MOSMO: variants seen among roughly 807,000 people sequenced by gnomAD.
MOSMO encodes modulator of smoothened protein.
Under a neutral mutation model 18.4 loss-of-function variants are expected in MOSMO, and 5 were observed. That is an observed-to-expected ratio of 0.27 (90% confidence interval 0.14 to 0.57). The LOEUF (loss-of-function observed/expected upper bound fraction) is 0.57, where lower values mean the gene tolerates loss of function less well. Among genes scored for constraint, MOSMO ranks in the 20% least tolerant of loss-of-function variants. MOSMO has a pLI of 0.92. For synonymous variants in MOSMO, 82 were observed against 82.3 expected, an observed-to-expected ratio of 1.00 and a Z score of 0.02; for missense variants, 138 against 211.8, an observed-to-expected ratio of 0.65 and a Z score of 2.16.
chr16:22,041,829 C>A (rs958186760), intron 1 of MOSMO, among the ~76,000 whole-genome samples: 4 of 151,972 alleles, frequency 2.6e-5, no homozygotes, highest in African/African-American at 2.4e-5. Flanking sequence ...CACATACCAC[C>A]ATGCCTGCCT....
intron 1 of MOSMO, among the ~76,000 whole-genome samples, chr16:22,052,116 A>G (rs1227913292): frequency 1.3e-5 from 2 of 152,180 alleles, no homozygotes; most frequent in Non-Finnish European, 2.9e-5. Context: ...TGTGAAATGA[A>G]TTTCGTAACG....
At chr16:22,028,906 T>C (rs947141009) in intron 1 of MOSMO, among the ~76,000 whole-genome samples, 43 of 152,294 alleles carry the variant, frequency 2.8e-4, no homozygotes, top group African/African-American at 9.6e-4. Context: ...AGTTTTGCTC[T>C]TGTTGCCCAG....
At chr16:22,074,232 T>C (rs148505322) in intron 1 of MOSMO, among the ~76,000 whole-genome samples, 3 of 152,294 alleles carry the variant, frequency 2.0e-5, no homozygotes, top group Non-Finnish European at 2.9e-5. Context: ...GCAAGTGCTA[T>C]GATTTCGAGG....
chr16:22,053,022 T>G (rs1021412683), intron 1 of MOSMO, among the ~76,000 whole-genome samples: 1 of 149,008 alleles, frequency 6.7e-6, no homozygotes, highest in African/African-American at 2.5e-5. Context: ...TGGCTTGATC[T>G]CTGCTCACTG....
chr16:22,034,931 G>A lies in MOSMO; in HGVS notation c.106+26524G>A, dbSNP rs1401154071. On this transcript the variant is annotated intron_variant, in intron 1 of 2. Coordinates refer to ENST00000542527, the MANE Select transcript of MOSMO (RefSeq NM_001164579.2). Reference sequence around the variant, plus strand: ...GTATTTTTTGTAGAGACGGGGTTTTGTCATGTTGCCCAGGCTGGTCTCAAA... The same window carrying A: ...GTATTTTTTGTAGAGACGGGGTTTTATCATGTTGCCCAGGCTGGTCTCAAA... 2.6e-5 allele frequency among the ~76,000 whole-genome samples: 4 copies of A among 151,408 alleles called. No homozygotes were observed. In the East Asian group the frequency reaches 7.7e-4, roughly 29 times the overall value.
At position 22,064,746 on chromosome 16, in the gene MOSMO, T is replaced by C. The variant is rs574755319; in HGVS notation, c.107-10741T>C. 4.6e-5 allele frequency among the ~76,000 whole-genome samples: 7 copies of C among 152,258 alleles called. No homozygotes were observed. The South Asian group carries it at 6.2e-4, about 14-fold the overall frequency. On this transcript the variant is annotated intron_variant, in intron 1 of 2. Coordinates refer to ENST00000542527, the MANE Select transcript of MOSMO (RefSeq NM_001164579.2). ...ATTTAAAGCAAACATTCTTTTTTTTTCCAAAGACAGAATTGTATGGATTTA... is the reference window on the plus strand; with the variant it reads ...ATTTAAAGCAAACATTCTTTTTTTTCCCAAAGACAGAATTGTATGGATTTA...
rs533940218 is a variant in MOSMO, at chr16:22,082,983, C to G, written c.*2103C>G. The G allele has an allele frequency of 6.6e-6, 1 of 152,264 alleles. No homozygotes were observed. The highest frequency in any genetic ancestry group is 1.9e-4 in the East Asian group (1 of 5,192). 9.4% of individuals were successfully genotyped at this position (152,264 alleles called of 1,614,324 possible). ...CTATGGACATTTGGGATTGCAGTTG[C>G]TATTCTGATTTGATTGGTCCTCAGT... On this transcript the variant is annotated 3_prime_UTR_variant, in exon 3 of 3. Coordinates refer to ENST00000542527, the MANE Select transcript of MOSMO (RefSeq NM_001164579.2).
chr16:22,074,275 A>G (rs1900918911), intron 1 of MOSMO, among the ~76,000 whole-genome samples: 1 of 152,126 alleles, frequency 6.6e-6, no homozygotes, highest in Non-Finnish European at 1.5e-5. Flanking sequence ...GTTCATATTG[A>G]GAAAATAATG....
chr16:22,064,649 T>C (rs1229907797), intron 1 of MOSMO, among the ~76,000 whole-genome samples: 1 of 152,252 alleles, frequency 6.6e-6, no homozygotes, highest in Non-Finnish European at 1.5e-5. Flanking sequence ...GATTTCATAG[T>C]GTGTAATGTA....
At chr16:22,033,001 G>A (rs1225532269) in intron 1 of MOSMO, among the ~76,000 whole-genome samples, 2 of 152,176 alleles carry the variant, frequency 1.3e-5, no homozygotes, top group African/African-American at 4.8e-5. Flanking sequence ...TCATAAATGT[G>A]AGAGTTTATT....
At chr16:22,075,824 C>CTCTACA in intron 2 of MOSMO, 125 bp downstream of exon 2, 1 of 691,356 alleles carries the variant, frequency 1.4e-6, no homozygotes, top group Non-Finnish European at 2.5e-6. Context: ...TTGTGTATGG[C>CTCTACA]CGTGAGATAG....
At chr16:22,041,738 C>T (rs754106822) in intron 1 of MOSMO, among the ~76,000 whole-genome samples, 1 of 151,714 alleles carries the variant, frequency 6.6e-6, no homozygotes, top group Non-Finnish European at 1.5e-5. Flanking sequence ...TGGGCAGTTG[C>T]TCAGTCATGG....
chr16:22,013,646 A>G (rs1366808409), intron 1 of MOSMO, among the ~76,000 whole-genome samples: 1 of 152,084 alleles, frequency 6.6e-6, no homozygotes, highest in Non-Finnish European at 1.5e-5. Context: ...CGTAATCCTA[A>G]TCATCCTAGA....
intron 1 of MOSMO, among the ~76,000 whole-genome samples, chr16:22,032,553 CT>C (rs1306380774): frequency 6.6e-6 from 1 of 151,984 alleles, no homozygotes; most frequent in East Asian, 1.9e-4. Flanking sequence ...GTTCTCTTTT[CT>C]TTTGTTTTTG....
chr16:22,014,417 T>G (rs1160275984), intron 1 of MOSMO, among the ~76,000 whole-genome samples: 1 of 152,134 alleles, frequency 6.6e-6, no homozygotes, highest in Non-Finnish European at 1.5e-5. Flanking sequence ...GGTCTAAAGA[T>G]TGGCAGGTGT....
chr16:22,040,089 A>G (rs1900182307), intron 1 of MOSMO, among the ~76,000 whole-genome samples: 2 of 152,240 alleles, frequency 1.3e-5, no homozygotes, highest in Non-Finnish European at 2.9e-5. Flanking sequence ...AAATTATTGG[A>G]ATGATTTCAA....
At chr16:22,076,865 A>C (rs1018372701) in intron 2 of MOSMO, among the ~76,000 whole-genome samples, 1 of 152,170 alleles carries the variant, frequency 6.6e-6, no homozygotes, top group African/African-American at 2.4e-5. Context: ...TATTGCCCTT[A>C]ATTTTTAAAT....
At chr16:22,025,176 G>C (rs1899851867) in intron 1 of MOSMO, among the ~76,000 whole-genome samples, 1 of 151,474 alleles carries the variant, frequency 6.6e-6, no homozygotes, top group South Asian at 2.1e-4. Context: ...AATTCTATCT[G>C]TTCAGCTTAC....
chr16:22,022,380 A>G (rs901341603), intron 1 of MOSMO, among the ~76,000 whole-genome samples: 2 of 152,106 alleles, frequency 1.3e-5, no homozygotes, highest in African/African-American at 4.8e-5. Context: ...CTGGATTGCT[A>G]TCTTCTTCCA....
Sources: allele counts gnomAD v4.1 joint callset (sites outside exome capture counted in the v4.1 genomes callset), GRCh38; gene constraint gnomAD v4.1.1; transcripts MANE v1.5; gene names NCBI Gene and HGNC (gene_info 2026-07-23, HGNC 2026-07-21).